TRAPPC9: variants seen among roughly 807,000 people sequenced by gnomAD.
The protein encoded by TRAPPC9 is IKK2 binding protein.
A neutral mutation model predicts 124.0 loss-of-function variants in TRAPPC9; 83 were observed. That is an observed-to-expected ratio of 0.67 (90% CI 0.56 to 0.80). TRAPPC9 has a LOEUF of 0.80. Among genes scored for constraint, TRAPPC9 ranks in the 30% least tolerant of loss-of-function variants. The probability of loss-of-function intolerance (pLI) is 0.00; values close to 1 mark genes in which losing one functional copy is unlikely to be tolerated. For synonymous variants in TRAPPC9, 638 were observed against 617.5 expected (o/e 1.03, Z -0.49); for missense variants, 1,302 against 1,508.3 (o/e 0.86, Z 2.27).
intron 19 of TRAPPC9, chr8:139,933,544 G>C (rs181036396): frequency 1.3e-5 from 2 of 152,420 alleles, no homozygotes; most frequent in Non-Finnish European, 2.9e-5. Flanking sequence ...CCCTCGATCA[G>C]ACGCCTCCCG....
chr8:140,448,330 C>T (rs1449495306), intron 2 of TRAPPC9, among the ~76,000 whole-genome samples: 1 of 152,126 alleles, frequency 6.6e-6, no homozygotes, highest in Non-Finnish European at 1.5e-5. Context: ...CTTTATGTGC[C>T]ACTGTATTTT....
intron 21 of TRAPPC9, among the ~76,000 whole-genome samples, chr8:139,875,080 C>G (rs1829235638): frequency 6.6e-6 from 1 of 152,206 alleles, no homozygotes; most frequent in Non-Finnish European, 1.5e-5. Context: ...CACAATTAAG[C>G]AGGCTCCCAA....
intron 18 of TRAPPC9, among the ~76,000 whole-genome samples, chr8:140,017,369 C>A (rs1839537132): frequency 6.6e-6 from 1 of 152,146 alleles, no homozygotes; most frequent in Non-Finnish European, 1.5e-5. Flanking sequence ...TACTTTTAGG[C>A]CTAAAATTCA....
At position 140,405,425 on chromosome 8, in the gene TRAPPC9, T is replaced by C. The variant is rs1440180514; in HGVS notation, c.1008+152A>G. ...TTTTGAATCAGAAAAAGAAAACATT[T>C]TAGGCATATAGTACTATGCATTAGA... On this transcript the variant is annotated intron_variant, in intron 6 of 22. Coordinates refer to ENST00000438773, the MANE Select transcript of TRAPPC9 (RefSeq NM_001160372.4). The C allele has an allele frequency of 3.9e-6, 3 of 773,350 alleles. No homozygotes were observed. In the African/African-American group the frequency reaches 5.3e-5, roughly 14 times the overall value. The allele number at this position is 773,350 out of a possible 1,614,324, so 47.9% of individuals were successfully genotyped here.
At position 140,113,746 on chromosome 8, in the gene TRAPPC9, G is replaced by A. The variant is rs140244747; in HGVS notation, c.2557-89667C>T. Among the ~76,000 whole-genome samples the A allele has an allele frequency of 3.9e-3, 591 of 152,294 alleles. 5 individuals are homozygous for A. Among genetic ancestry groups the A allele is most frequent in the African/African-American group, 0.013 (543 of 41,552 alleles). ...ATAAGTTCAAGTCCAGGGAGTCTCC[G>A]CAAGCCCATGTGAGTAGAACTGATC... On this transcript the variant is annotated intron_variant, in intron 17 of 22. Transcript: ENST00000438773.
At chr8:140,381,820 G>T (rs1296049425) in intron 7 of TRAPPC9, among the ~76,000 whole-genome samples, 1 of 152,150 alleles carries the variant, frequency 6.6e-6, no homozygotes, top group Non-Finnish European at 1.5e-5. Flanking sequence ...TGTTAATGAG[G>T]ATATAGAGAA....
In TRAPPC9 at chr8:140,295,355, T is replaced by C. The variant is rs573767032; in HGVS notation, c.1769-4277A>G. 2.1e-4 allele frequency among the ~76,000 whole-genome samples: 32 copies of C among 152,342 alleles called. No homozygotes were observed. The Middle Eastern group carries it at 0.014, about 65-fold the overall frequency. On this transcript the variant is annotated intron_variant, in intron 11 of 22. Coordinates refer to ENST00000438773, the MANE Select transcript of TRAPPC9 (RefSeq NM_001160372.4). ...GTCCCCATTCTGCAGATAGCATGAC[T>C]GCAGACCACAGAGGCACAATCAGCT...
intron 15 of TRAPPC9, among the ~76,000 whole-genome samples, chr8:140,260,511 G>GA (rs1014841396): frequency 2.1e-4 from 32 of 152,246 alleles, no homozygotes; most frequent in African/African-American, 6.3e-4. Context: ...CAAATGCCTA[G>GA]AAAAAATTTG....
At chr8:140,408,702 G>T (rs2069585795) in intron 5 of TRAPPC9, among the ~76,000 whole-genome samples, 1 of 152,018 alleles carries the variant, frequency 6.6e-6, no homozygotes, top group African/African-American at 2.4e-5. Flanking sequence ...TAAGCCACAG[G>T]GTGGGATCGA....
chr8:140,127,704 G>A (rs779659722), intron 17 of TRAPPC9, among the ~76,000 whole-genome samples: 14 of 152,144 alleles, frequency 9.2e-5, no homozygotes, highest in Non-Finnish European at 1.5e-4. Flanking sequence ...AAGGAGATAC[G>A]TTCTTGATTG....
At chr8:140,026,821 C>A (rs1046033169) in intron 17 of TRAPPC9, among the ~76,000 whole-genome samples, 1 of 152,160 alleles carries the variant, frequency 6.6e-6, no homozygotes, top group Non-Finnish European at 1.5e-5. Context: ...ACTCGACAGC[C>A]CAAATAAAGC....
At chr8:140,245,554 C>G (rs769845542) in intron 16 of TRAPPC9, among the ~76,000 whole-genome samples, 1 of 152,058 alleles carries the variant, frequency 6.6e-6, no homozygotes, top group Non-Finnish European at 1.5e-5. Context: ...ACGGGGTCAG[C>G]AGCATTAAGC....
At chr8:139,755,530 AG>A (rs1819674579) in intron 21 of TRAPPC9, among the ~76,000 whole-genome samples, 4 of 142,910 alleles carry the variant, frequency 2.8e-5, no homozygotes, top group African/African-American at 1.1e-4. Flanking sequence ...AGGAGGAGCC[AG>A]GGTTTGGGGA....
chr8:139,790,256 C>G (rs1822562961), intron 21 of TRAPPC9, among the ~76,000 whole-genome samples: 2 of 152,238 alleles, frequency 1.3e-5, no homozygotes, highest in South Asian at 4.1e-4. Context: ...AACAGGAACT[C>G]AAGTGCTCTG....
chr8:139,807,255 A>G (rs1285190305), intron 21 of TRAPPC9, among the ~76,000 whole-genome samples: 1 of 152,192 alleles, frequency 6.6e-6, no homozygotes, highest in Non-Finnish European at 1.5e-5. Flanking sequence ...TGCCAAGGCC[A>G]CAGCGGTGCA....
intron 16 of TRAPPC9, among the ~76,000 whole-genome samples, chr8:140,224,441 T>C (rs1209824643): frequency 6.6e-6 from 1 of 152,182 alleles, no homozygotes; most frequent in Non-Finnish European, 1.5e-5. Context: ...GAGCAGAATC[T>C]GAGCAGAACC....
chr8:139,738,826 C>CT (rs1299678545), intron 21 of TRAPPC9, among the ~76,000 whole-genome samples: 5 of 152,192 alleles, frequency 3.3e-5, no homozygotes, highest in African/African-American at 1.2e-4. Context: ...GGGCGCAGAG[C>CT]TGGTCCTGGG....
chr8:140,042,200 AGTGTATGTGTGT>A (rs1841316778), intron 17 of TRAPPC9, among the ~76,000 whole-genome samples: 1 of 90,826 alleles, frequency 1.1e-5, no homozygotes, highest in Non-Finnish European at 2.3e-5. Flanking sequence ...AGCCCAAAAA[AGTGTATGTGTGT>A]GTGTGTGTGT....
intron 21 of TRAPPC9, among the ~76,000 whole-genome samples, chr8:139,735,125 C>T (rs772022701): frequency 6.6e-6 from 1 of 152,194 alleles, no homozygotes; most frequent in East Asian, 1.9e-4. Context: ...GCTGGTCTGT[C>T]CTGCTGAGTC....
Sources: gnomAD v4.1 joint callset for allele counts (sites outside exome capture counted in the v4.1 genomes callset) on GRCh38, gnomAD v4.1.1 for gene constraint, MANE v1.5 for transcripts, NCBI Gene and HGNC (gene_info 2026-07-23, HGNC 2026-07-21) for gene names.